The following PCDHA4 variants were observed in gnomAD, a reference collection of about 807,000 sequenced individuals.
PCDHA4 encodes the protein protocadherin alpha 4.
Under a neutral mutation model 61.4 loss-of-function variants are expected in PCDHA4, and 49 were observed. The ratio of observed to expected loss-of-function variants is 0.80; its 90% confidence interval spans 0.63 to 1.01. The LOEUF (loss-of-function observed/expected upper bound fraction) is 1.01. Among genes scored for constraint, PCDHA4 ranks in the 50% least tolerant of loss-of-function variants. PCDHA4 has a pLI of 0.00. For missense variants in PCDHA4, 1,254 were observed against 1,235.8 expected, an observed-to-expected ratio of 1.01 and a Z score of -0.22; for synonymous variants, 590 against 550.3, an observed-to-expected ratio of 1.07 and a Z score of -1.01.
intron 1 of PCDHA4, chr5:140,823,626 G>A (rs1554129494): frequency 1.2e-6 from 2 of 1,613,916 alleles, no homozygotes; most frequent in Admixed American, 3.3e-5. Context: ...CTGGCAGTGC[G>A]CGCATCCCGT....
intron 1 of PCDHA4, among the ~76,000 whole-genome samples, chr5:140,975,004 T>C (rs1464460351): frequency 2.6e-5 from 4 of 152,170 alleles, no homozygotes; most frequent in African/African-American, 9.7e-5. Flanking sequence ...AAGGCTGAAA[T>C]GAACACAGCT....
chr5:140,842,854 C>T, intron 1 of PCDHA4: 1 of 1,594,004 alleles, frequency 6.3e-7, no homozygotes, highest in South Asian at 1.1e-5. Context: ...TTTCGGTGCA[C>T]ACGGAGAGCG....
intron 1 of PCDHA4, chr5:140,875,596 G>C (rs1554167787): frequency 1.9e-6 from 3 of 1,613,938 alleles, no homozygotes; most frequent in African/African-American, 2.7e-5. Flanking sequence ...GGCCAAACAC[G>C]GCACCTTCGT....
chr5:140,904,589 G>A (rs1562945664), intron 1 of PCDHA4, among the ~76,000 whole-genome samples: 1 of 151,976 alleles, frequency 6.6e-6, no homozygotes, highest in Non-Finnish European at 1.5e-5. Flanking sequence ...CCAGTAGTGG[G>A]ACTGCTGGAT....
intron 1 of PCDHA4, chr5:140,859,616 C>G (rs978716581): frequency 6.2e-6 from 1 of 162,228 alleles, no homozygotes; most frequent in Non-Finnish European, 1.3e-5. Flanking sequence ...TCTTTCCTTT[C>G]TCTTTGAGTA....
intron 1 of PCDHA4, among the ~76,000 whole-genome samples, chr5:140,937,039 C>CTTT (rs34994034): frequency 3.6e-5 from 5 of 140,162 alleles, no homozygotes; most frequent in African/African-American, 5.3e-5. Context: ...TTCCATTTAT[C>CTTT]TTTTTTTTTT....
intron 1 of PCDHA4, among the ~76,000 whole-genome samples, chr5:140,938,718 G>A (rs1186763511): frequency 5.3e-5 from 8 of 151,986 alleles, no homozygotes; most frequent in Non-Finnish European, 1.0e-4. Flanking sequence ...ATAGAAACGC[G>A]TTTCTACAGA....
At chr5:140,954,650 C>G (rs2095069221) in intron 1 of PCDHA4, among the ~76,000 whole-genome samples, 1 of 151,902 alleles carries the variant, frequency 6.6e-6, no homozygotes, top group Non-Finnish European at 1.5e-5. Context: ...TGTTTAAGTT[C>G]CTTGTAGACT....
At chr5:140,999,993 G>A (rs529237834) in intron 3 of PCDHA4, among the ~76,000 whole-genome samples, 1 of 152,114 alleles carries the variant, frequency 6.6e-6, no homozygotes, top group African/African-American at 2.4e-5. Flanking sequence ...CTGGGTAGTG[G>A]TATTAGATTG....
chr5:140,808,705 C>G lies in PCDHA4; in HGVS notation c.1518C>G (p.Ser506Arg), dbSNP rs1562218779. The change falls in exon 1 of 4, where the codon AGC (serine) becomes AGG (arginine). Residue 506 changes from serine to arginine, a missense_variant. Physicochemically the swap from Ser to Arg is moderately radical, Grantham distance 110. Transcript: ENST00000530339. ...ERRVGERALS[S>R]YVSVHAESGK... ...GGGTAGGGGAGCGCGCGCTGTCGAG[C>G]TACGTTTCGGTGCATGCGGAGAGCG... 6.2e-7 allele frequency: 1 copy of G among 1,612,176 alleles called. No homozygotes were observed. Among genetic ancestry groups the G allele is most frequent in the Admixed American group, 1.7e-5 (1 of 60,020 alleles).
chr5:140,876,964 C>G, intron 1 of PCDHA4: 2 of 1,613,060 alleles, frequency 1.2e-6, no homozygotes, highest in Non-Finnish European at 1.7e-6. Context: ...GGTGGAGCGG[C>G]GGGTGGGCGA....
intron 1 of PCDHA4, chr5:140,828,229 C>T (rs2150152666): frequency 1.2e-6 from 2 of 1,613,968 alleles, no homozygotes; most frequent in Non-Finnish European, 1.7e-6. Flanking sequence ...CCTTCGTGGG[C>T]CGGATCGCGC....
chr5:140,965,401 A>C (rs546046699), intron 1 of PCDHA4, among the ~76,000 whole-genome samples: 1 of 152,166 alleles, frequency 6.6e-6, no homozygotes, highest in Non-Finnish European at 1.5e-5. Flanking sequence ...AAGTCTAAGG[A>C]GTCTTATATT....
chr5:140,853,646 G>T (rs1277332064), intron 1 of PCDHA4: 1 of 988,662 alleles, frequency 1.0e-6, no homozygotes, highest in Non-Finnish European at 1.2e-6. Flanking sequence ...CCTAAATTGA[G>T]CCTGTTCCAG....
intron 1 of PCDHA4, among the ~76,000 whole-genome samples, chr5:140,977,523 C>G (rs1393138256): frequency 2.0e-5 from 3 of 152,070 alleles, no homozygotes; most frequent in African/African-American, 7.2e-5. Flanking sequence ...AACTTGAAAA[C>G]AAAGGAGGAA....
At chr5:140,929,395 C>G (rs1317256449) in intron 1 of PCDHA4, 8 of 1,510,412 alleles carry the variant, frequency 5.3e-6, no homozygotes, top group Non-Finnish European at 5.3e-6. Flanking sequence ...TGAAATATTT[C>G]TTAGACAAGC....
At chr5:140,968,008 CT>C (rs782634586) in intron 1 of PCDHA4, 1 of 1,614,202 alleles carries the variant, frequency 6.2e-7, no homozygotes, top group Non-Finnish European at 8.5e-7. Context: ...GACTGAATGG[CT>C]TTGGAAACTC....
At chr5:140,989,531 G>C (rs782610172) in intron 3 of PCDHA4, among the ~76,000 whole-genome samples, 1 of 152,198 alleles carries the variant, frequency 6.6e-6, no homozygotes, top group Non-Finnish European at 1.5e-5. Flanking sequence ...AGAGGAGGAA[G>C]ATAGTTTGTA....
At position 140,809,114 on chromosome 5, in the gene PCDHA4, C is replaced by T. The variant is rs782409819; in HGVS notation, c.1927C>T (p.Pro643Ser). 1.7e-5 allele frequency: 28 copies of T among 1,613,844 alleles called. 1 individual carries two copies. Among genetic ancestry groups the T allele is most frequent in the South Asian group, 7.7e-5 (7 of 91,090 alleles). The change falls in exon 1 of 4, where the codon CCG (proline) becomes TCG (serine). Residue 643 changes from proline (P) to serine (S), a missense_variant. By Grantham distance (74) the Pro-to-Ser change is moderately conservative (BLOSUM62 -1). Transcript: ENST00000530339. ...GCGTGCCCTGGACGAAACGGACGCT[C>T]CGCGCCACCGCCTACTGGTACTGGT... Reference protein sequence around the residue: ...TTRALDETDAPRHRLLVLVKD... With the variant: ...TTRALDETDASRHRLLVLVKD...
Sources: gnomAD v4.1 joint callset for allele counts (sites outside exome capture counted in the v4.1 genomes callset) on GRCh38, gnomAD v4.1.1 for gene constraint, MANE v1.5 for transcripts, NCBI Gene and HGNC (gene_info 2026-07-23, HGNC 2026-07-21) for gene names.